GPC5: variants seen among roughly 807,000 people sequenced by gnomAD.
The protein encoded by GPC5 is glypican-5.
In GPC5, 47 loss-of-function variants were observed where a neutral mutation model predicts 53.9. The observed-to-expected ratio is 0.87, with a 90% CI of 0.69 to 1.11. The LOEUF is 1.11. Among genes scored for constraint, GPC5 ranks in the 50% most tolerant of loss-of-function variants. The pLI is 0.00. For synonymous variants in GPC5, 286 were observed against 263.3 expected, an observed-to-expected ratio of 1.09 and a Z score of -0.84; for missense variants, 748 against 713.1, an observed-to-expected ratio of 1.05 and a Z score of -0.56.
At chr13:92,649,044 T>C (rs2139162937) in intron 7 of GPC5, among the ~76,000 whole-genome samples, 1 of 152,256 alleles carries the variant, frequency 6.6e-6, no homozygotes, top group Middle Eastern at 3.4e-3. Context: ...CTGGAGCTTT[T>C]GCTGAATGTT....
At chr13:92,511,905 A>T (rs529355491) in intron 7 of GPC5, among the ~76,000 whole-genome samples, 69 of 152,182 alleles carry the variant, frequency 4.5e-4, no homozygotes, top group African/African-American at 1.6e-3. Context: ...TGAAAGAGAG[A>T]CGTGGAGTGC....
At chr13:91,736,971 A>AT (rs201305016) in intron 4 of GPC5, among the ~76,000 whole-genome samples, 6 of 149,386 alleles carry the variant, frequency 4.0e-5, no homozygotes, top group Non-Finnish European at 8.8e-5. Context: ...TATTATTATT[A>AT]TTTTTGATGG....
Position 91,966,063 on chromosome 13 carries a change from T to C in GPC5, c.1401+58006T>C, listed in dbSNP as rs191530752. Among the ~76,000 whole-genome samples, 340 of 152,302 alleles carry C rather than the reference T, an allele frequency of 2.2e-3. 1 individual carries two copies. The highest frequency in any genetic ancestry group is 4.1e-3 in the Non-Finnish European group (280 of 68,018). ...ATTCTTCAATTTCTTCCTGAACTTCTAAATAGAAATAATTAGACAACTAAA... is the reference window on the plus strand; with the variant it reads ...ATTCTTCAATTTCTTCCTGAACTTCCAAATAGAAATAATTAGACAACTAAA... On this transcript the variant is annotated intron_variant, in intron 6 of 7. Coordinates refer to ENST00000377067, the MANE Select transcript of GPC5 (RefSeq NM_004466.6).
In GPC5 at chr13:91,463,936, T is replaced by A. The variant is rs1472439634; in HGVS notation, c.325+15014T>A. ...GCCTTGTGAAAATTACAAACCATGT[T>A]CAGAGAAAGGTTAAGAGAATGAAAA... On this transcript the variant is annotated intron_variant, in intron 2 of 7. Coordinates refer to ENST00000377067, the MANE Select transcript of GPC5 (RefSeq NM_004466.6). Among the ~76,000 whole-genome samples, 4 of 152,084 alleles carry A rather than the reference T, an allele frequency of 2.6e-5. No individual in the cohort carries two copies. The East Asian group carries it at 7.7e-4, about 29-fold the overall frequency.
At chr13:92,682,439 T>C (rs556561377) in intron 7 of GPC5, among the ~76,000 whole-genome samples, 1 of 152,328 alleles carries the variant, frequency 6.6e-6, no homozygotes, top group Admixed American at 6.5e-5. Flanking sequence ...TTATGTTTTG[T>C]GAACATCTAT....
At position 92,384,788 on chromosome 13, in the gene GPC5, C is replaced by A. The variant is rs529371434; in HGVS notation, c.1561+239799C>A. 2.6e-5 allele frequency among the ~76,000 whole-genome samples: 4 copies of A among 152,208 alleles called. No individual in the cohort carries two copies. The East Asian group carries it at 7.7e-4, about 29-fold the overall frequency. ...ACAAATGATTGTTGTCTTCTTTCAC[C>A]CGTGTGCCATTGTCATCTAGATGGA... On this transcript the variant is annotated intron_variant, in intron 7 of 7. Transcript: ENST00000377067.
intron 7 of GPC5, among the ~76,000 whole-genome samples, chr13:92,802,714 C>G (rs1428111485): frequency 1.3e-5 from 2 of 151,844 alleles, no homozygotes; most frequent in African/African-American, 4.8e-5. Context: ...AAACAAACAC[C>G]GCATGTTCTC....
intron 7 of GPC5, among the ~76,000 whole-genome samples, chr13:92,773,041 T>C (rs1345989589): frequency 2.0e-5 from 3 of 152,140 alleles, no homozygotes; most frequent in African/African-American, 7.2e-5. Flanking sequence ...TTTCCGATAA[T>C]AAAATTTCCA....
chr13:92,739,415 T>A (rs556463856), intron 7 of GPC5, among the ~76,000 whole-genome samples: 1 of 152,068 alleles, frequency 6.6e-6, no homozygotes, highest in South Asian at 2.1e-4. Flanking sequence ...GTTCTGTTTT[T>A]CATTAATGTA....
At chr13:92,794,837 A>G (rs9561157) in intron 7 of GPC5, among the ~76,000 whole-genome samples, 28,068 of 151,962 alleles carry the variant, frequency 0.18, 3,553 homozygotes, top group African/African-American at 0.35. Context: ...GGGATGTGAA[A>G]GATCTCTTCA....
At chr13:92,349,088 G>A (rs1348638363) in intron 7 of GPC5, among the ~76,000 whole-genome samples, 1 of 152,052 alleles carries the variant, frequency 6.6e-6, no homozygotes, top group Non-Finnish European at 1.5e-5. Flanking sequence ...ATGGAGACTA[G>A]CAAAACAATA....
intron 2 of GPC5, among the ~76,000 whole-genome samples, chr13:91,609,872 A>T (rs780941072): frequency 6.6e-6 from 1 of 152,218 alleles, no homozygotes; most frequent in Non-Finnish European, 1.5e-5. Flanking sequence ...ATGTTACATT[A>T]TCAGTACATT....
At chr13:92,545,849 A>C (rs1342761436) in intron 7 of GPC5, among the ~76,000 whole-genome samples, 5 of 151,478 alleles carry the variant, frequency 3.3e-5, no homozygotes, top group East Asian at 3.9e-4. Context: ...GGTTGCAAAA[A>C]TTTTCTCCCA....
intron 7 of GPC5, among the ~76,000 whole-genome samples, chr13:92,183,899 A>T (rs1035868813): frequency 6.6e-6 from 1 of 152,056 alleles, no homozygotes; most frequent in African/African-American, 2.4e-5. Context: ...CATTTAGTTT[A>T]CCAATTTTCT....
At chr13:92,048,198 T>C (rs1382176770) in intron 6 of GPC5, among the ~76,000 whole-genome samples, 1 of 152,102 alleles carries the variant, frequency 6.6e-6, no homozygotes, top group African/African-American at 2.4e-5. Context: ...AGATTTGTGG[T>C]AATTACTGAA....
At chr13:91,672,925 A>C (rs1450820022) in intron 2 of GPC5, among the ~76,000 whole-genome samples, 1 of 152,158 alleles carries the variant, frequency 6.6e-6, no homozygotes, top group African/African-American at 2.4e-5. Flanking sequence ...AAATCATGTC[A>C]TTTGCAGGGA....
At chr13:91,566,646 G>GC (rs1187034380) in intron 2 of GPC5, among the ~76,000 whole-genome samples, 1 of 152,138 alleles carries the variant, frequency 6.6e-6, no homozygotes, top group Admixed American at 6.6e-5. Flanking sequence ...TATTCAGCAA[G>GC]CACCACAGGT....
chr13:92,527,182 G>GAAGAAAGAAAGA (rs1168907594), intron 7 of GPC5, among the ~76,000 whole-genome samples: 18 of 45,156 alleles, frequency 4.0e-4, no homozygotes, highest in South Asian at 8.5e-4. Flanking sequence ...GAGAAAGAAA[G>GAAGAAAGAAAGA]AAGAAAGAAA....
At position 92,334,348 on chromosome 13, in the gene GPC5, A is replaced by G. The variant is rs370953496; in HGVS notation, c.1561+189359A>G. 1.6e-3 allele frequency among the ~76,000 whole-genome samples: 241 copies of G among 152,244 alleles called. 1 individual carries two copies. In the South Asian group the frequency reaches 0.023, roughly 15 times the overall value. ...GAGACTTATTCATTATCATGAGAAC[A>G]GCATGAGAAAAGCCCACCCCTATGA... is the stretch of plus-strand genomic sequence containing the variant. On this transcript the variant is annotated intron_variant, in intron 7 of 7. Transcript: ENST00000377067.
Sources: allele counts gnomAD v4.1 joint callset (sites outside exome capture counted in the v4.1 genomes callset), GRCh38; gene constraint gnomAD v4.1.1; transcripts MANE v1.5; gene names NCBI Gene and HGNC (gene_info 2026-07-23, HGNC 2026-07-21).